The following OTUD5 variants were observed in gnomAD, a reference collection of about 807,000 sequenced individuals.
The protein encoded by OTUD5 is OTU deubiquitinase 5, also known as OTU domain-containing protein 5.
In OTUD5, 2 loss-of-function variants were observed where a neutral mutation model predicts 36.3. The observed-to-expected ratio is 0.06, with a 90% CI of 0.02 to 0.17. The LOEUF (loss-of-function observed/expected upper bound fraction) is 0.17. Among genes scored for constraint, OTUD5 ranks in the 10% least tolerant of loss-of-function variants. The pLI is 1.00. For synonymous variants in OTUD5, 234 were observed against 214.9 expected (o/e 1.09, Z -0.78); for missense variants, 233 against 512.3 (o/e 0.45, Z 5.26).
chrX:48,945,266 C>CTTTTTT (rs139382090), intron 1 of OTUD5, among the ~76,000 whole-genome samples: 4 of 73,243 alleles, frequency 5.5e-5, no homozygotes, highest in African/African-American at 1.1e-4. Flanking sequence ...AAAATCAAGT[C>CTTTTTT]TTTTTTTTTT....
chrX:48,933,195 C>G (rs1404435018), intron 5 of OTUD5, among the ~76,000 whole-genome samples: 1 of 110,957 alleles, frequency 9.0e-6, no homozygotes, highest in Non-Finnish European at 1.9e-5. Context: ...ACTGTCACAG[C>G]CAAGAGGAGA....
intron 2 of OTUD5, among the ~76,000 whole-genome samples, chrX:48,936,846 C>T (rs1227748641): frequency 1.8e-5 from 2 of 111,735 alleles, no homozygotes; most frequent in African/African-American, 6.5e-5. Context: ...TTTGTTTCCC[C>T]AGAGGACCAC....
chrX:48,923,594 T>A (rs1330404292), intron 8 of OTUD5, 39 bp downstream of exon 8: 1 of 1,009,577 alleles, frequency 9.9e-7, no homozygotes, highest in Non-Finnish European at 1.4e-6. Context: ...CTCTCCCAGC[T>A]CCTAGCAGCC....
intron 1 of OTUD5, among the ~76,000 whole-genome samples, chrX:48,952,297 C>T (rs1247012247): frequency 8.9e-6 from 1 of 111,782 alleles, no homozygotes; most frequent in Non-Finnish European, 1.9e-5. Context: ...TTGCCAGAGG[C>T]TGGAAAGGGA....
At chrX:48,949,123 A>G (rs1490313236) in intron 1 of OTUD5, among the ~76,000 whole-genome samples, 1 of 112,264 alleles carries the variant, frequency 8.9e-6, no homozygotes, top group African/African-American at 3.2e-5. Context: ...GGCTTTGCCC[A>G]GTAAGAGACC....
intron 2 of OTUD5, among the ~76,000 whole-genome samples, chrX:48,942,232 TACACACACACATACACACAC>T (rs1241576704): frequency 1.5e-4 from 3 of 19,864 alleles, no homozygotes; most frequent in African/African-American, 3.9e-4. Flanking sequence ...GCTAGCTAGA[TACACACACACATACACACAC>T]ACACACACAC....
At chrX:48,935,931 T>C (rs1377811755) in intron 2 of OTUD5, among the ~76,000 whole-genome samples, 3 of 42,872 alleles carry the variant, frequency 7.0e-5, no homozygotes, top group Non-Finnish European at 1.3e-4. Flanking sequence ...AGAGTAAGAC[T>C]CTGTCTCAAA....
chrX:48,942,307 C>CACACACAT (rs2063947350), intron 2 of OTUD5, among the ~76,000 whole-genome samples: 1 of 98,828 alleles, frequency 1.0e-5, no homozygotes, highest in African/African-American at 3.8e-5. Flanking sequence ...GATACACACA[C>CACACACAT]ACACACACAC....
In OTUD5 at chrX:48,922,308, C is replaced by T; in HGVS notation, c.*866G>A. 1 of 120,499 alleles carries T rather than the reference C, an allele frequency of 8.3e-6. No homozygotes were observed. Among genetic ancestry groups the T allele is most frequent in the Non-Finnish European group, 1.7e-5 (1 of 59,347 alleles). The allele number at this position is 120,499 out of a possible 1,213,427, so 9.9% of individuals were successfully genotyped here. A position where few individuals can be genotyped will look rare whatever the true frequency, so the allele number is the denominator to read the frequency against. On this transcript the variant is annotated 3_prime_UTR_variant, in exon 9 of 9. Coordinates refer to ENST00000376488, the MANE Select transcript of OTUD5 (RefSeq NM_001136157.2). ...GGTGCCCCATCTGCCAAGGCTGCTC[C>T]CACACTCCCTACACTCAAATCCCGG...
At chrX:48,937,793 C>T (rs1387450527) in intron 2 of OTUD5, among the ~76,000 whole-genome samples, 3 of 112,577 alleles carry the variant, frequency 2.7e-5, no homozygotes, top group Non-Finnish European at 5.6e-5. Context: ...AACAGGAACA[C>T]AATTTGTCAT....
intron 2 of OTUD5, among the ~76,000 whole-genome samples, chrX:48,941,218 G>C (rs1156387870): frequency 4.5e-5 from 5 of 110,348 alleles, no homozygotes; most frequent in Non-Finnish European, 9.5e-5. Context: ...GGATCACAAA[G>C]TCAGGAGTTT....
chrX:48,925,291 A>C (rs2063648667), intron 6 of OTUD5, among the ~76,000 whole-genome samples: 2 of 107,579 alleles, frequency 1.9e-5, no homozygotes, highest in Non-Finnish European at 1.9e-5. Flanking sequence ...AAAAAAAAAA[A>C]AAAAAAAACT....
intron 1 of OTUD5, among the ~76,000 whole-genome samples, chrX:48,951,302 A>G (rs1557053801): frequency 8.9e-6 from 1 of 111,949 alleles, no homozygotes; most frequent in Non-Finnish European, 1.9e-5. Context: ...ACCCAGGAAC[A>G]CTAGCCTGGC....
chrX:48,954,288 A>T (rs1167064640), intron 1 of OTUD5, among the ~76,000 whole-genome samples: 1 of 110,918 alleles, frequency 9.0e-6, no homozygotes, highest in Non-Finnish European at 1.9e-5. Context: ...GGGGACAAGT[A>T]TAAGGGAGGG....
chrX:48,923,156 C>T lies in OTUD5; in HGVS notation c.*18G>A. On this transcript the variant is annotated 3_prime_UTR_variant, in exon 9 of 9. Transcript: ENST00000376488. The stretch of plus-strand genomic sequence containing the variant: ...GAGTACTGGGGTTGGGAGATGGTGT[C>T]CAATCCCTGGGTCTCCATCAACTCT... 1 of 1,210,422 alleles carries T rather than the reference C, an allele frequency of 8.3e-7. No homozygotes were observed. The highest frequency in any genetic ancestry group is 1.1e-6 in the Non-Finnish European group (1 of 894,837).
chrX:48,923,802 G>A (rs1569513207), intron 7 of OTUD5, 49 bp downstream of exon 7: 1 of 1,189,779 alleles, frequency 8.4e-7, no homozygotes, highest in Non-Finnish European at 1.1e-6. Context: ...CCAGGACCCA[G>A]GACGTGCCTC....
At chrX:48,932,517 C>T (rs2063771203) in intron 5 of OTUD5, among the ~76,000 whole-genome samples, 2 of 109,725 alleles carry the variant, frequency 1.8e-5, no homozygotes, top group East Asian at 5.7e-4. Flanking sequence ...TTAGTAGAAA[C>T]AGGGTTTCAT....
At chrX:48,956,782 C>T (rs1305084794) in intron 1 of OTUD5, among the ~76,000 whole-genome samples, 195 bp downstream of exon 1, 2 of 111,242 alleles carry the variant, frequency 1.8e-5, no homozygotes, top group African/African-American at 3.3e-5. Context: ...GACACCTTAC[C>T]GTAGGCCTCT....
chrX:48,922,813 CTCTG>C lies in OTUD5; in HGVS notation c.*357_*360del, dbSNP rs1313539496. 5 of 788,215 alleles carry C rather than the reference CTCTG, an allele frequency of 6.3e-6. No individual in the cohort carries two copies. The highest frequency in any genetic ancestry group is 7.5e-6 in the Non-Finnish European group (5 of 662,356). The allele number at this position is 788,215 out of a possible 1,213,427, so 65.0% of individuals were successfully genotyped here. A position where few individuals can be genotyped will look rare whatever the true frequency, so the allele number is the denominator to read the frequency against. Reference sequence around the variant, plus strand: ...AGGAATGAGGGGCAGGGAGACTTTCCTCTGTCTGAATGTCTCTCTCCTCTGGGGC... The same window carrying C: ...AGGAATGAGGGGCAGGGAGACTTTCCTCTGAATGTCTCTCTCCTCTGGGGC... On this transcript the variant is annotated 3_prime_UTR_variant, in exon 9 of 9. Coordinates refer to ENST00000376488, the MANE Select transcript of OTUD5 (RefSeq NM_001136157.2).
Sources: gnomAD v4.1 joint callset for allele counts (sites outside exome capture counted in the v4.1 genomes callset) on GRCh38, gnomAD v4.1.1 for gene constraint, MANE v1.5 for transcripts, NCBI Gene and HGNC (gene_info 2026-07-23, HGNC 2026-07-21) for gene names.